Variants in MLLT10 observed in about 807,000 individuals in gnomAD.
MLLT10 encodes MLLT10 histone lysine methyltransferase DOT1L cofactor.
A neutral mutation model predicts 129.1 loss-of-function variants in MLLT10; 30 were observed. The observed-to-expected ratio is 0.23, with a 90% CI of 0.17 to 0.32. The LOEUF is 0.32. Ranked by LOEUF, MLLT10 falls within the 10% of genes least tolerant of loss-of-function variation. The pLI is 1.00. For synonymous variants in MLLT10, 490 were observed against 446.4 expected (o/e 1.10, Z -1.23); for missense variants, 1,119 against 1,268.3 (o/e 0.88, Z 1.79).
chr10:21,613,970 C>T (rs749884317), intron 6 of MLLT10, among the ~76,000 whole-genome samples: 1 of 151,620 alleles, frequency 6.6e-6, no homozygotes, highest in Non-Finnish European at 1.5e-5. Context: ...CCTGTAATCC[C>T]AGCACTTTAG....
chr10:21,672,132 A>G (rs2051485919), intron 10 of MLLT10, among the ~76,000 whole-genome samples: 1 of 151,502 alleles, frequency 6.6e-6, no homozygotes, highest in African/African-American at 2.4e-5. Context: ...TTTGAAGTTT[A>G]ACAGGTTAAC....
intron 2 of MLLT10, among the ~76,000 whole-genome samples, chr10:21,536,506 A>G (rs1264274057): frequency 3.3e-5 from 5 of 152,222 alleles, no homozygotes; most frequent in African/African-American, 4.8e-5. Flanking sequence ...TTTTTGGGCA[A>G]TGATGCTGTG....
chr10:21,651,131 G>T (rs1021371705), intron 8 of MLLT10, among the ~76,000 whole-genome samples: 3 of 152,126 alleles, frequency 2.0e-5, no homozygotes, highest in African/African-American at 4.8e-5. Context: ...GGGTGCAGTG[G>T]AACGATCTTG....
chr10:21,536,420 T>TA (rs1282714485), intron 2 of MLLT10, among the ~76,000 whole-genome samples: 4 of 152,258 alleles, frequency 2.6e-5, no homozygotes, highest in Non-Finnish European at 5.9e-5. Flanking sequence ...CAAAATTTGA[T>TA]AATTTCTATG....
At chr10:21,603,497 G>T (rs114847660) in intron 5 of MLLT10, among the ~76,000 whole-genome samples, 4,555 of 151,976 alleles carry the variant, frequency 0.03, 229 homozygotes, top group African/African-American at 0.1. Flanking sequence ...TATAACATTC[G>T]TTTATTAAGA....
chr10:21,648,617 C>T lies in MLLT10; in HGVS notation c.700-3056C>T, dbSNP rs1489850778. On this transcript the variant is annotated intron_variant, in intron 8 of 22. Coordinates refer to ENST00000307729, the MANE Select transcript of MLLT10 (RefSeq NM_001195626.3). Reference sequence around the variant, plus strand: ...TGTAGGGAGAAAAACATTGATATAACACTTAAAGACCAGGATCATTTCAAC... The same window carrying T: ...TGTAGGGAGAAAAACATTGATATAATACTTAAAGACCAGGATCATTTCAAC... Among the ~76,000 whole-genome samples, 3 of 152,250 alleles carry T rather than the reference C, an allele frequency of 2.0e-5. No individual in the cohort carries two copies. In the East Asian group the frequency reaches 5.8e-4, roughly 29 times the overall value.
intron 5 of MLLT10, among the ~76,000 whole-genome samples, chr10:21,606,796 A>G (rs1274260276): frequency 1.3e-5 from 2 of 152,232 alleles, no homozygotes; most frequent in Non-Finnish European, 2.9e-5. Flanking sequence ...TGAAATGACA[A>G]CAAAGGATGT....
intron 4 of MLLT10, among the ~76,000 whole-genome samples, chr10:21,588,775 T>C (rs138580996): frequency 1.3e-5 from 2 of 152,072 alleles, no homozygotes; most frequent in African/African-American, 4.8e-5. Flanking sequence ...GAAGAGCAGT[T>C]TGTTTTTTCT....
chr10:21,625,480 GC>G, intron 8 of MLLT10: 1 of 1,015,340 alleles, frequency 9.8e-7, no homozygotes, highest in Non-Finnish European at 1.6e-6. Flanking sequence ...CACAGGGTCA[GC>G]CCATTCAACT....
At chr10:21,537,018 C>T (rs980722518) in intron 2 of MLLT10, among the ~76,000 whole-genome samples, 1 of 151,830 alleles carries the variant, frequency 6.6e-6, no homozygotes, top group Admixed American at 6.6e-5. Context: ...AACCCCTGAC[C>T]CCAGGGTGAT....
chr10:21,652,983 G>C (rs893378640), intron 9 of MLLT10, among the ~76,000 whole-genome samples: 1 of 152,212 alleles, frequency 6.6e-6, no homozygotes, highest in African/African-American at 2.4e-5. Flanking sequence ...CAGATCACTA[G>C]AAGGTATAGA....
chr10:21,609,360 T>A lies in MLLT10; in HGVS notation c.406-2988T>A, dbSNP rs190362996. 1.2e-4 allele frequency among the ~76,000 whole-genome samples: 18 copies of A among 152,340 alleles called. No homozygotes were observed. In the East Asian group the frequency reaches 3.5e-3, roughly 29 times the overall value. ...CAGTCTTTTGACCGTTAGGTATGAA[T>A]GTGATTTTACTTTGAAGTTTGACTT... On this transcript the variant is annotated intron_variant, in intron 5 of 22. Coordinates refer to ENST00000307729, the MANE Select transcript of MLLT10 (RefSeq NM_001195626.3).
At chr10:21,564,098 C>A (rs536928657) in intron 3 of MLLT10, among the ~76,000 whole-genome samples, 1 of 152,230 alleles carries the variant, frequency 6.6e-6, no homozygotes, top group African/African-American at 2.4e-5. Context: ...AGGCATGAGC[C>A]ACCGTGCCCG....
intron 11 of MLLT10, 37 bp downstream of exon 11, chr10:21,673,956 C>T: frequency 6.9e-7 from 1 of 1,457,398 alleles, no homozygotes; most frequent in Non-Finnish European, 9.2e-7. Context: ...CTCCTTCACT[C>T]CCACCACCTC....
chr10:21,586,494 C>T, intron 4 of MLLT10, 146 bp downstream of exon 4: 2 of 738,778 alleles, frequency 2.7e-6, no homozygotes, highest in Non-Finnish European at 4.5e-6. Flanking sequence ...TTTATAAATC[C>T]TTATTGTATT....
At chr10:21,550,004 G>C (rs992147166) in intron 3 of MLLT10, among the ~76,000 whole-genome samples, 3 of 152,160 alleles carry the variant, frequency 2.0e-5, no homozygotes, top group Non-Finnish European at 4.4e-5. Context: ...TAATTTTACT[G>C]GCTCTTAATT....
chr10:21,621,485 TC>T (rs919673828), intron 8 of MLLT10, among the ~76,000 whole-genome samples: 40 of 152,292 alleles, frequency 2.6e-4, no homozygotes, highest in African/African-American at 9.6e-4. Flanking sequence ...GACCTCATGA[TC>T]CGCCCCTCTC....
chr10:21,689,641 T>TTATA (rs1184223344), intron 13 of MLLT10, among the ~76,000 whole-genome samples: 117 of 131,964 alleles, frequency 8.9e-4, no homozygotes, highest in African/African-American at 2.2e-3. Flanking sequence ...ACACACACAT[T>TTATA]TATATATATA....
intron 3 of MLLT10, among the ~76,000 whole-genome samples, chr10:21,568,216 A>C (rs2039815005): frequency 6.6e-6 from 1 of 152,162 alleles, no homozygotes; most frequent in Non-Finnish European, 1.5e-5. Flanking sequence ...AAAAGAAGAG[A>C]ATACCCAGGG....
Sources: allele counts gnomAD v4.1 joint callset (sites outside exome capture counted in the v4.1 genomes callset), GRCh38; gene constraint gnomAD v4.1.1; transcripts MANE v1.5; gene names NCBI Gene and HGNC (gene_info 2026-07-23, HGNC 2026-07-21).